MOXD1: variants seen among roughly 807,000 people sequenced by gnomAD.
MOXD1 encodes monooxygenase DBH like 1.
In MOXD1, 62 loss-of-function variants were observed where a neutral mutation model predicts 66.6. That is an observed-to-expected ratio of 0.93 (90% CI 0.76 to 1.15). MOXD1 has a LOEUF of 1.15. Among genes scored for constraint, MOXD1 ranks in the 50% most tolerant of loss-of-function variants. The pLI, the probability that MOXD1 is intolerant of heterozygous loss-of-function variation, is 0.00. For missense variants in MOXD1, 847 were observed against 754.6 expected, an observed-to-expected ratio of 1.12 and a Z score of -1.44; for synonymous variants, 303 against 281.9, an observed-to-expected ratio of 1.07 and a Z score of -0.75.
chr6:132,315,798 T>C lies in MOXD1; in HGVS notation c.1366-21A>G, dbSNP rs1399251528. The C allele has an allele frequency of 1.9e-6, 3 of 1,611,874 alleles. No homozygotes were observed. The East Asian group carries it at 6.7e-5, about 36-fold the overall frequency. Reference sequence around the variant, plus strand: ...CCTCCCTGAAAACAGATAGTTTATTTAGCAAAGTATGTGTTCTACCAACTT... The same window carrying C: ...CCTCCCTGAAAACAGATAGTTTATTCAGCAAAGTATGTGTTCTACCAACTT... On this transcript the variant is annotated intron_variant, in intron 9 of 11. Coordinates refer to ENST00000367963, the MANE Select transcript of MOXD1 (RefSeq NM_015529.4).
intron 1 of MOXD1, chr6:132,375,043 G>T (rs546152747): frequency 1.8e-6 from 1 of 545,292 alleles, no homozygotes; most frequent in Non-Finnish European, 3.2e-6. Context: ...TGATACCATT[G>T]TGTGCCTTTC....
intron 1 of MOXD1, among the ~76,000 whole-genome samples, chr6:132,386,625 A>ATTCAAGTGT (rs1776652277): frequency 1.3e-5 from 2 of 151,390 alleles, no homozygotes; most frequent in Admixed American, 6.6e-5. Flanking sequence ...CTGAAAGTGT[A>ATTCAAGTGT]AATGCAAAGT....
chr6:132,353,478 G>A (rs898757608), intron 4 of MOXD1, among the ~76,000 whole-genome samples: 1 of 152,178 alleles, frequency 6.6e-6, no homozygotes, highest in African/African-American at 2.4e-5. Context: ...TGAGGATTCT[G>A]AAGATAAAGC....
chr6:132,363,872 C>T (rs534238470), intron 4 of MOXD1, among the ~76,000 whole-genome samples: 12 of 152,074 alleles, frequency 7.9e-5, no homozygotes, highest in African/African-American at 2.7e-4. Flanking sequence ...TAGAATTCAA[C>T]ATAAATATCT....
intron 10 of MOXD1, among the ~76,000 whole-genome samples, chr6:132,312,800 T>A (rs1774859482): frequency 6.6e-6 from 1 of 151,532 alleles, no homozygotes; most frequent in Non-Finnish European, 1.5e-5. Context: ...TTCATACCAT[T>A]TAAACTTAAA....
At chr6:132,320,940 A>G (rs1262355436) in intron 8 of MOXD1, among the ~76,000 whole-genome samples, 1 of 152,150 alleles carries the variant, frequency 6.6e-6, no homozygotes, top group Non-Finnish European at 1.5e-5. Context: ...CCCAGGCACA[A>G]TTTGTTCATT....
At chr6:132,336,710 G>A (rs889281511) in intron 4 of MOXD1, among the ~76,000 whole-genome samples, 9 of 152,148 alleles carry the variant, frequency 5.9e-5, no homozygotes, top group Non-Finnish European at 1.0e-4. Context: ...CACATGAGGT[G>A]ATGGCAAGAA....
At position 132,297,856 on chromosome 6, in the gene MOXD1, G is replaced by A. The variant is rs200056795; in HGVS notation, c.1608C>T (p.Ser536=). The A allele has an allele frequency of 2.1e-5, 34 of 1,613,410 alleles. No homozygotes were observed. In the East Asian group the frequency reaches 7.1e-4, roughly 34 times the overall value. The change falls in exon 11 of 12, where the codon TCC becomes TCT. Residue 536 remains serine (S), a synonymous_variant. Coordinates refer to ENST00000367963, the MANE Select transcript of MOXD1 (RefSeq NM_015529.4). ...KFKWTKKEGL[S]FNKLVLSLPV... ...GCAGGCTGAGGACCAGCTTGTTGAAGGAGAGACCTTCCTTTTTAGTCCATT... is the reference window on the plus strand; with the variant it reads ...GCAGGCTGAGGACCAGCTTGTTGAAAGAGAGACCTTCCTTTTTAGTCCATT...
At chr6:132,382,067 G>A (rs1055314784) in intron 1 of MOXD1, among the ~76,000 whole-genome samples, 1 of 151,906 alleles carries the variant, frequency 6.6e-6, no homozygotes, top group Admixed American at 6.6e-5. Context: ...TGATCACTGT[G>A]CACTCTCGTT....
intron 4 of MOXD1, among the ~76,000 whole-genome samples, chr6:132,355,871 A>C (rs1402346968): frequency 6.6e-6 from 1 of 152,200 alleles, no homozygotes; most frequent in Admixed American, 6.5e-5. Context: ...AAAAATGAAT[A>C]AAAAATTCTG....
intron 1 of MOXD1, 85 bp downstream of exon 1, chr6:132,401,078 C>G: frequency 7.3e-7 from 1 of 1,367,056 alleles, no homozygotes; most frequent in Non-Finnish European, 9.4e-7. Context: ...CTGCGGGCCC[C>G]GGGGACGACC....
At chr6:132,398,616 A>T (rs1048328875) in intron 1 of MOXD1, among the ~76,000 whole-genome samples, 1 of 152,176 alleles carries the variant, frequency 6.6e-6, no homozygotes, top group African/African-American at 2.4e-5. Flanking sequence ...CATGAAGTCT[A>T]CTAATAGAAT....
intron 7 of MOXD1, 111 bp downstream of exon 7, chr6:132,323,820 G>C (rs535248421): frequency 3.0e-5 from 36 of 1,203,776 alleles, no homozygotes; most frequent in Admixed American, 5.6e-5. Context: ...GTTTCACAGT[G>C]TGTCAACAAG....
chr6:132,353,875 T>C (rs1268191622), intron 4 of MOXD1, among the ~76,000 whole-genome samples: 1 of 152,162 alleles, frequency 6.6e-6, no homozygotes, highest in Non-Finnish European at 1.5e-5. Flanking sequence ...TTATTTTTTC[T>C]TTGTCTTTGT....
intron 4 of MOXD1, among the ~76,000 whole-genome samples, chr6:132,355,742 C>T (rs1339360486): frequency 6.6e-6 from 1 of 152,160 alleles, no homozygotes; most frequent in African/African-American, 2.4e-5. Context: ...TGTAGCCCAG[C>T]TACAAACAGA....
chr6:132,308,367 G>A (rs1319748218), intron 10 of MOXD1, among the ~76,000 whole-genome samples: 3 of 152,138 alleles, frequency 2.0e-5, no homozygotes, highest in African/African-American at 7.2e-5. Context: ...CTGAAGTTGA[G>A]GCAGTAATTA....
chr6:132,340,580 A>C (rs956197169), intron 4 of MOXD1, among the ~76,000 whole-genome samples: 5 of 151,492 alleles, frequency 3.3e-5, no homozygotes, highest in Admixed American at 3.3e-4. Flanking sequence ...AATGTGCTTG[A>C]AAAACACTTT....
chr6:132,347,372 G>C (rs1392797177), intron 4 of MOXD1, among the ~76,000 whole-genome samples: 2 of 152,082 alleles, frequency 1.3e-5, no homozygotes, highest in Non-Finnish European at 2.9e-5. Flanking sequence ...TAATTTTGTA[G>C]GACTGTTTCA....
chr6:132,320,654 G>A lies in MOXD1; in HGVS notation c.1340C>T (p.Thr447Met), dbSNP rs372829567. Residue 447 changes from threonine to methionine, a missense_variant, in exon 9 of 12, where the codon ACG becomes ATG. By Grantham distance (81) the Thr-to-Met change is moderately conservative (BLOSUM62 -1). Transcript: ENST00000367963. ...DNLITECRYNTKDRAEMTWGG... is the reference protein window; with the variant it reads ...DNLITECRYNMKDRAEMTWGG... ...CCAAGTCATCTCAGCTCTATCTTTCGTGTTGTAGCGACACTCAGTAATTAG... is the reference window on the plus strand; with the variant it reads ...CCAAGTCATCTCAGCTCTATCTTTCATGTTGTAGCGACACTCAGTAATTAG... The A allele has an allele frequency of 1.0e-4, 161 of 1,609,722 alleles. No individual in the cohort carries two copies. Among genetic ancestry groups the A allele is most frequent in the Non-Finnish European group, 1.3e-4 (153 of 1,177,900 alleles).
Sources: allele counts gnomAD v4.1 joint callset (sites outside exome capture counted in the v4.1 genomes callset), GRCh38; gene constraint gnomAD v4.1.1; transcripts MANE v1.5; gene names NCBI Gene and HGNC (gene_info 2026-07-23, HGNC 2026-07-21).